Variants in ACSM3 observed in about 807,000 individuals in gnomAD.
The protein encoded by ACSM3 is acyl-coenzyme A synthetase ACSM3, mitochondrial.
A neutral mutation model predicts 74.1 loss-of-function variants in ACSM3; 61 were observed. That is an observed-to-expected ratio of 0.82 (90% CI 0.67 to 1.02). The LOEUF is 1.02. Ranked by LOEUF, ACSM3 falls within the 50% of genes least tolerant of loss-of-function variation. The pLI is 0.00. For synonymous variants in ACSM3, 213 were observed against 241.5 expected (o/e 0.88, Z 1.09); for missense variants, 660 against 697.0 (o/e 0.95, Z 0.60).
At chr16:20,704,172 G>A (rs2079720766) in intron 1 of ACSM3, among the ~76,000 whole-genome samples, 1 of 152,150 alleles carries the variant, frequency 6.6e-6, no homozygotes, top group East Asian at 1.9e-4. Flanking sequence ...GACTCTCTGG[G>A]TTTAGGCAGC....
upstream of ACSM3, among the ~76,000 whole-genome samples, chr16:20,760,210 A>G (rs575977012): frequency 1.3e-5 from 2 of 152,296 alleles, no homozygotes; most frequent in East Asian, 3.9e-4. Context: ...TTTTACCCCA[A>G]AATATATTTC....
chr16:20,719,396 C>A, intron 1 of ACSM3: 1 of 240,192 alleles, frequency 4.2e-6, no homozygotes, highest in South Asian at 7.7e-5. Flanking sequence ...TAAGTCATGT[C>A]CTCCAGCTAG....
chr16:20,766,163 C>G (rs534918690), intron 1 of ACSM3, among the ~76,000 whole-genome samples: 12 of 152,200 alleles, frequency 7.9e-5, no homozygotes, highest in Non-Finnish European at 1.2e-4. Context: ...TAATACTTCA[C>G]AACCACTTAA....
At position 20,767,367 on chromosome 16, in the gene ACSM3, A is replaced by C. The variant is rs1197675424; in HGVS notation, c.-51-2617A>C. ...CCCGTCTCTACTAAAAATACAAAAA[A>C]TTAGCCGGGCGTAGTGGCGGGCGCC... On this transcript the variant is annotated intron_variant, in intron 1 of 13. Coordinates refer to ENST00000289416, the MANE Select transcript of ACSM3 (RefSeq NM_005622.4). Among the ~76,000 whole-genome samples the C allele has an allele frequency of 4.8e-5, 3 of 62,184 alleles. 1 individual carries two copies. Among genetic ancestry groups the C allele is most frequent in the South Asian group, 1.3e-3 (2 of 1,524 alleles). The allele number at this position is 62,184 out of a possible 152,430, so 40.8% of individuals were successfully genotyped here. A position where few individuals can be genotyped will look rare whatever the true frequency, so the allele number is the denominator to read the frequency against.
intron 1 of ACSM3, chr16:20,685,160 C>A: frequency 6.2e-7 from 1 of 1,611,438 alleles, no homozygotes; most frequent in Non-Finnish European, 8.5e-7. Flanking sequence ...AGAACAGCCC[C>A]GAGGTCCACC....
chr16:20,727,814 G>A (rs1409094888), intron 1 of ACSM3, among the ~76,000 whole-genome samples: 2 of 152,160 alleles, frequency 1.3e-5, no homozygotes, highest in Non-Finnish European at 2.9e-5. Context: ...TGCACTTAAT[G>A]GAGTCTAAGG....
chr16:20,797,185 T>A lies in ACSM3; in HGVS notation c.*213T>A. On this transcript the variant is annotated 3_prime_UTR_variant, in exon 14 of 14. Coordinates refer to ENST00000289416, the MANE Select transcript of ACSM3 (RefSeq NM_005622.4). ...TTAGTGTCAATGTTCCTATCATTTC[T>A]TAATATAAAAATAATACCATCAATT... The A allele has an allele frequency of 7.8e-7, 1 of 1,276,726 alleles. No homozygotes were observed. The highest frequency in any genetic ancestry group is 3.8e-5 in the East Asian group (1 of 26,562). 79.1% of individuals were successfully genotyped at this position (1,276,726 alleles called of 1,614,324 possible).
intron 12 of ACSM3, 136 bp from the exon 13 acceptor site, chr16:20,796,234 G>A (rs1366167071): frequency 6.4e-6 from 9 of 1,407,296 alleles, no homozygotes; most frequent in Non-Finnish European, 7.5e-6. Context: ...TAAGAGCACA[G>A]AGCTGGGATC....
intron 1 of ACSM3, among the ~76,000 whole-genome samples, chr16:20,711,974 T>C (rs549449121): frequency 1.3e-5 from 2 of 152,234 alleles, no homozygotes; most frequent in African/African-American, 2.4e-5. Flanking sequence ...AAACATGCCC[T>C]ATCTCAGGGC....
rs1303709791 is a variant in ACSM3, at chr16:20,776,031, G to C, written c.412G>C (p.Val138Leu). 1.2e-6 allele frequency: 2 copies of C among 1,614,204 alleles called. No homozygotes were observed. ...GGTCCCAGAGTGGTGGCTTGCAAAT[G>C]TGGCCTGTCTGCGAACAGGTTAGTA... ...PRVPEWWLANVACLRTGTVLI... is the reference protein window; with the variant it reads ...PRVPEWWLANLACLRTGTVLI... Residue 138 changes from valine (V) to leucine (L), a missense_variant, in exon 3 of 14, where the codon GTG becomes CTG. By Grantham distance (32) the Val-to-Leu change is conservative. Transcript: ENST00000289416.
rs552219429 is a variant in ACSM3 at position 20,697,163 on chromosome 16, C to T, written c.-190+22341C>T. ...TCATAGCTCACTGCAGCCTCAATCT[C>T]CTGGGCTACAGTCATCCTCCTGCCT... On this transcript the variant is annotated intron_variant, in intron 1 of 3. Transcript: ENST00000561584. Among the ~76,000 whole-genome samples, 20 of 152,250 alleles carry T rather than the reference C, an allele frequency of 1.3e-4. No individual in the cohort carries two copies. The South Asian group carries it at 3.9e-3, about 30-fold the overall frequency.
At position 20,731,849 on chromosome 16, in the gene ACSM3, G is replaced by A. The variant is rs1397963037; in HGVS notation, c.-189-18061G>A. On this transcript the variant is annotated intron_variant, in intron 1 of 3. Transcript: ENST00000561584. ...TATAGTAGCTCATTATATAGGTAGAGGGCACCTTTGTTTAGCCCTAAGAAC... is the reference window on the plus strand; with the variant it reads ...TATAGTAGCTCATTATATAGGTAGAAGGCACCTTTGTTTAGCCCTAAGAAC... 4 of 230,644 alleles carry A rather than the reference G, an allele frequency of 1.7e-5. No homozygotes were observed. The Admixed American group carries it at 1.8e-4, about 10-fold the overall frequency. 14.3% of individuals were successfully genotyped at this position (230,644 alleles called of 1,614,324 possible).
chr16:20,790,898 C>T lies in ACSM3; in HGVS notation c.1326+210C>T. 6.2e-7 allele frequency: 1 copy of T among 1,614,096 alleles called. No individual in the cohort carries two copies. The highest frequency in any genetic ancestry group is 8.5e-7 in the Non-Finnish European group (1 of 1,179,982). ...ATGCTGGTCCCCTGAGGCCAGATCA[C>T]TGTTCCAGGTCCACGAAGGCAAGAG... On this transcript the variant is annotated intron_variant, in intron 10 of 13. Coordinates refer to ENST00000289416, the MANE Select transcript of ACSM3 (RefSeq NM_005622.4). This position sits in a 1 kb window ranked among gnomAD's most constrained non-coding sequence, Gnocchi z 4.0.
At position 20,742,230 on chromosome 16, in the gene ACSM3, G is replaced by C. The variant is rs535994222; in HGVS notation, c.-189-7680G>C. 4.2e-5 allele frequency: 15 copies of C among 357,220 alleles called. No individual in the cohort carries two copies. The East Asian group carries it at 1.2e-3, about 29-fold the overall frequency. 22.1% of individuals were successfully genotyped at this position (357,220 alleles called of 1,614,324 possible). ...CATTCATTCATCCAGCACTGTTACA[G>C]ATAACTCTGTACCTGTACTTGAGTT... On this transcript the variant is annotated intron_variant, in intron 1 of 3. Transcript: ENST00000561584.
chr16:20,708,155 G>A (rs1182008995), intron 1 of ACSM3, among the ~76,000 whole-genome samples: 1 of 152,132 alleles, frequency 6.6e-6, no homozygotes, highest in Non-Finnish European at 1.5e-5. Flanking sequence ...ACAAAAATTA[G>A]CCAGGTGTGG....
intron 1 of ACSM3, among the ~76,000 whole-genome samples, chr16:20,742,813 A>ATATATATATATATTTTT (rs61582869): frequency 1.5e-5 from 1 of 66,820 alleles, no homozygotes; most frequent in African/African-American, 4.3e-5. Flanking sequence ...ATATATATAT[A>ATATATATATATATTTTT]TTTTTTTTTT....
At chr16:20,680,526 C>T (rs953602890) in intron 1 of ACSM3, 11 of 152,370 alleles carry the variant, frequency 7.2e-5, no homozygotes, top group Admixed American at 2.0e-4. Flanking sequence ...CACAAGATAA[C>T]TTCACTTCGC....
intron 2 of ACSM3, among the ~76,000 whole-genome samples, chr16:20,772,729 TATGCCAATACC>T (rs2080208154): frequency 6.6e-6 from 1 of 152,224 alleles, no homozygotes; most frequent in South Asian, 2.1e-4. Context: ...CATCTGTTTT[TATGCCAATACC>T]ATGCTGTTTT....
At chr16:20,743,266 C>T (rs1011768126) in intron 1 of ACSM3, among the ~76,000 whole-genome samples, 6 of 152,030 alleles carry the variant, frequency 3.9e-5, no homozygotes, top group Non-Finnish European at 8.8e-5. Context: ...TCCCCTCGCG[C>T]ATTTCCCACA....
Sources: gnomAD v4.1 joint callset for allele counts (sites outside exome capture counted in the v4.1 genomes callset) on GRCh38, gnomAD v4.1.1 for gene constraint, Gnocchi (gnomAD v3.1) non-coding constraint, MANE v1.5 for transcripts, NCBI Gene and HGNC (gene_info 2026-07-23, HGNC 2026-07-21) for gene names.